Variants in IMMP2L observed in about 807,000 individuals in gnomAD.
IMMP2L encodes the protein mitochondrial inner membrane protease subunit 2.
In IMMP2L, 18 loss-of-function variants were observed where a neutral mutation model predicts 19.3. The observed-to-expected ratio is 0.93, with a 90% CI of 0.64 to 1.38. The LOEUF is 1.38. Among genes scored for constraint, IMMP2L ranks in the 40% most tolerant of loss-of-function variants. IMMP2L has a pLI of 0.00. For synonymous variants in IMMP2L, 76 were observed against 73.0 expected (o/e 1.04, Z -0.21); for missense variants, 233 against 218.2 (o/e 1.07, Z -0.43).
chr7:111,409,001 T>G (rs779250264), intron 3 of IMMP2L, among the ~76,000 whole-genome samples: 1 of 151,728 alleles, frequency 6.6e-6, no homozygotes, highest in Non-Finnish European at 1.5e-5. Context: ...AAAATGGTGA[T>G]AAAAAGTACC....
chr7:111,359,453 C>T (rs1269651026), intron 3 of IMMP2L, among the ~76,000 whole-genome samples: 2 of 152,034 alleles, frequency 1.3e-5, no homozygotes, highest in Non-Finnish European at 2.9e-5. Flanking sequence ...AGGCACCCGC[C>T]ACCACTCCTG....
intron 5 of IMMP2L, among the ~76,000 whole-genome samples, chr7:110,859,983 A>G (rs895512846): frequency 6.6e-6 from 1 of 152,094 alleles, no homozygotes; most frequent in Non-Finnish European, 1.5e-5. Flanking sequence ...TATATTTTTA[A>G]CCTAAAACAT....
intron 3 of IMMP2L, among the ~76,000 whole-genome samples, chr7:111,100,150 G>C (rs536376544): frequency 6.6e-6 from 1 of 151,494 alleles, no homozygotes; most frequent in African/African-American, 2.4e-5. Flanking sequence ...AATTTCAATA[G>C]CTTTTTGGGA....
At chr7:111,379,135 A>T (rs37665) in intron 3 of IMMP2L, among the ~76,000 whole-genome samples, 12,629 of 150,908 alleles carry the variant, frequency 0.084, 604 homozygotes, top group Middle Eastern at 0.12. Context: ...AATACGTGAC[A>T]TTTGTACACT....
At chr7:111,277,886 A>G (rs2130521751) in intron 3 of IMMP2L, among the ~76,000 whole-genome samples, 1 of 152,344 alleles carries the variant, frequency 6.6e-6, no homozygotes, top group South Asian at 2.1e-4. Context: ...ATGTAACACT[A>G]CATTATGCTA....
chr7:110,769,586 A>T (rs1798903093), intron 5 of IMMP2L, among the ~76,000 whole-genome samples: 1 of 152,180 alleles, frequency 6.6e-6, no homozygotes, highest in African/African-American at 2.4e-5. Flanking sequence ...TCATAAGAAG[A>T]TCTGATGGAA....
chr7:110,883,183 T>G (rs1052917681), intron 5 of IMMP2L, among the ~76,000 whole-genome samples: 8 of 152,202 alleles, frequency 5.3e-5, no homozygotes, highest in African/African-American at 1.9e-4. Context: ...TCTACTTTAC[T>G]TTTCACTGGT....
At chr7:111,469,708 T>C (rs1420301756) in intron 3 of IMMP2L, among the ~76,000 whole-genome samples, 1 of 152,124 alleles carries the variant, frequency 6.6e-6, no homozygotes, top group African/African-American at 2.4e-5. Flanking sequence ...CCTTACATCT[T>C]ATACAAAAAT....
At chr7:111,167,501 T>C (rs1180472276) in intron 3 of IMMP2L, among the ~76,000 whole-genome samples, 1 of 151,962 alleles carries the variant, frequency 6.6e-6, no homozygotes. Context: ...CTAACTCAGG[T>C]GCCCCTCAGC....
At chr7:111,480,157 C>T (rs1842055649) in intron 3 of IMMP2L, among the ~76,000 whole-genome samples, 1 of 150,896 alleles carries the variant, frequency 6.6e-6, no homozygotes, top group African/African-American at 2.4e-5. Context: ...AATCTCGGCT[C>T]ACTGCAAGCT....
chr7:110,706,563 T>G (rs886416490), intron 5 of IMMP2L, among the ~76,000 whole-genome samples: 1 of 152,188 alleles, frequency 6.6e-6, no homozygotes, highest in African/African-American at 2.4e-5. Flanking sequence ...TGGTGTGAGA[T>G]GATATCTCAC....
chr7:110,995,799 A>C (rs1431380349), intron 3 of IMMP2L, among the ~76,000 whole-genome samples: 1 of 152,152 alleles, frequency 6.6e-6, no homozygotes, highest in African/African-American at 2.4e-5. Context: ...CTTGGCCAAA[A>C]GAATCACAAG....
intron 3 of IMMP2L, among the ~76,000 whole-genome samples, chr7:111,012,483 T>C (rs777706772): frequency 1.1e-4 from 16 of 152,158 alleles, no homozygotes; most frequent in Non-Finnish European, 2.1e-4. Flanking sequence ...TACAATGAAA[T>C]AATTCACATA....
intron 5 of IMMP2L, among the ~76,000 whole-genome samples, chr7:110,814,649 C>G (rs1176471041): frequency 1.3e-5 from 2 of 149,124 alleles, no homozygotes; most frequent in Admixed American, 1.3e-4. Flanking sequence ...TGGACTTACT[C>G]TATCGCTCAG....
At chr7:110,864,901 A>C (rs558369603) in intron 5 of IMMP2L, among the ~76,000 whole-genome samples, 5 of 152,144 alleles carry the variant, frequency 3.3e-5, no homozygotes, top group Admixed American at 3.3e-4. Flanking sequence ...CTTCAGTTTA[A>C]CAATCCCATG....
chr7:111,514,842 T>C lies in IMMP2L; in HGVS notation c.135+6471A>G, dbSNP rs547907201. The stretch of plus-strand genomic sequence containing the variant: ...TGCAAATTTTATAATATTCATACTA[T>C]GAGGATAAGGGTTTTTTTTAACATA... On this transcript the variant is annotated intron_variant, in intron 2 of 5. Coordinates refer to ENST00000405709, the MANE Select transcript of IMMP2L (RefSeq NM_032549.4). Among the ~76,000 whole-genome samples, 46 of 152,024 alleles carry C rather than the reference T, an allele frequency of 3.0e-4. No homozygotes were observed. The South Asian group carries it at 9.5e-3, about 32-fold the overall frequency.
chr7:111,434,501 C>T (rs556262797), intron 3 of IMMP2L, among the ~76,000 whole-genome samples: 2 of 150,424 alleles, frequency 1.3e-5, no homozygotes, highest in South Asian at 4.2e-4. Flanking sequence ...AGGACATGAA[C>T]AGTCATTTTT....
intron 5 of IMMP2L, among the ~76,000 whole-genome samples, chr7:110,862,264 T>A (rs1807519813): frequency 6.6e-6 from 1 of 151,944 alleles, no homozygotes. Context: ...GGCTGTGTTT[T>A]ATACTTTTAT....
intron 3 of IMMP2L, among the ~76,000 whole-genome samples, chr7:111,195,332 T>A (rs746226892): frequency 3.3e-5 from 5 of 152,130 alleles, no homozygotes; most frequent in Non-Finnish European, 5.9e-5. Flanking sequence ...TCTATTCTGT[T>A]TCAACTGATA....
Sources: allele counts gnomAD v4.1 joint callset (sites outside exome capture counted in the v4.1 genomes callset), GRCh38; gene constraint gnomAD v4.1.1; transcripts MANE v1.5; gene names NCBI Gene and HGNC (gene_info 2026-07-23, HGNC 2026-07-21).